NOS1AP: variants seen among roughly 807,000 people sequenced by gnomAD.
NOS1AP encodes carboxyl-terminal PDZ ligand of neuronal nitric oxide synthase protein.
Under a neutral mutation model 56.2 loss-of-function variants are expected in NOS1AP, and 21 were observed. That is an observed-to-expected ratio of 0.37 (90% CI 0.26 to 0.54). The LOEUF (loss-of-function observed/expected upper bound fraction) is 0.54, where lower values mean the gene tolerates loss of function less well. NOS1AP is among the 20% of genes least tolerant of loss of function. The pLI is 0.84. For missense variants in NOS1AP, 522 were observed against 657.8 expected, an observed-to-expected ratio of 0.79 and a Z score of 2.26; for synonymous variants, 270 against 274.6, an observed-to-expected ratio of 0.98 and a Z score of 0.17.
At chr1:162,109,886 C>T (rs1647649501) in intron 1 of NOS1AP, among the ~76,000 whole-genome samples, 1 of 152,172 alleles carries the variant, frequency 6.6e-6, no homozygotes, top group Admixed American at 6.5e-5. Flanking sequence ...TGAAAGATGA[C>T]TTCTTAATCT....
chr1:162,290,552 T>G (rs1306803602), intron 3 of NOS1AP, among the ~76,000 whole-genome samples: 1 of 152,232 alleles, frequency 6.6e-6, no homozygotes, highest in Non-Finnish European at 1.5e-5. Flanking sequence ...CAAATGTCAC[T>G]GATCACCATC....
intron 2 of NOS1AP, among the ~76,000 whole-genome samples, chr1:162,257,278 C>T (rs1487836670): frequency 2.0e-5 from 3 of 152,192 alleles, no homozygotes; most frequent in South Asian, 4.2e-4. Flanking sequence ...AGCCAGTGGG[C>T]TTCTCTGTTC....
intron 1 of NOS1AP, among the ~76,000 whole-genome samples, chr1:162,151,770 G>C (rs906106900): frequency 6.6e-5 from 10 of 151,374 alleles, no homozygotes; most frequent in African/African-American, 2.4e-4. Flanking sequence ...GAATGAGAAG[G>C]AAGGAAGGAA....
chr1:162,255,302 C>T (rs1653989302), intron 2 of NOS1AP, among the ~76,000 whole-genome samples: 2 of 152,180 alleles, frequency 1.3e-5, no homozygotes, highest in Non-Finnish European at 1.5e-5. Context: ...AGGTCTTTCT[C>T]CAGAAGCTGC....
At chr1:162,330,701 A>G (rs537329979) in intron 4 of NOS1AP, among the ~76,000 whole-genome samples, 17 of 152,326 alleles carry the variant, frequency 1.1e-4, no homozygotes, top group African/African-American at 3.8e-4. Context: ...TAAAAATAAC[A>G]CTTTGCTGGC....
intron 3 of NOS1AP, among the ~76,000 whole-genome samples, chr1:162,294,168 G>A (rs1002464260): frequency 6.8e-6 from 1 of 148,118 alleles, no homozygotes; most frequent in Non-Finnish European, 1.5e-5. Context: ...AGGAAGGAAG[G>A]CAGGTAGGAA....
intron 1 of NOS1AP, among the ~76,000 whole-genome samples, chr1:162,133,446 A>G (rs1441449902): frequency 6.6e-6 from 1 of 152,254 alleles, no homozygotes; most frequent in Admixed American, 6.5e-5. Flanking sequence ...CTAAAAGTCT[A>G]TGAATGAAAT....
At chr1:162,247,724 C>A (rs1653711581) in intron 2 of NOS1AP, among the ~76,000 whole-genome samples, 1 of 152,160 alleles carries the variant, frequency 6.6e-6, no homozygotes, top group African/African-American at 2.4e-5. Flanking sequence ...TCCATACCTA[C>A]TGTGCCAGAG....
intron 5 of NOS1AP, among the ~76,000 whole-genome samples, chr1:162,342,391 C>T (rs1475512821): frequency 6.6e-6 from 1 of 152,154 alleles, no homozygotes; most frequent in African/African-American, 2.4e-5. Context: ...ATGCCTTTCA[C>T]ATTAATATGG....
At chr1:162,221,274 G>C (rs1176324566) in intron 2 of NOS1AP, among the ~76,000 whole-genome samples, 9 of 152,140 alleles carry the variant, frequency 5.9e-5, no homozygotes, top group African/African-American at 2.2e-4. Context: ...TGAAGTGGTG[G>C]TTAAGCTGAC....
At chr1:162,217,593 G>A (rs1652626240) in intron 2 of NOS1AP, among the ~76,000 whole-genome samples, 1 of 152,116 alleles carries the variant, frequency 6.6e-6, no homozygotes, top group Non-Finnish European at 1.5e-5. Flanking sequence ...TCAAGCACTG[G>A]TGTGCTTTAA....
intron 4 of NOS1AP, among the ~76,000 whole-genome samples, chr1:162,317,477 TC>T (rs1233274475): frequency 6.6e-6 from 1 of 152,212 alleles, no homozygotes; most frequent in Non-Finnish European, 1.5e-5. Context: ...CTTTGTTCAC[TC>T]ATGAGAAGGA....
At chr1:162,072,225 T>G (rs567241378) in intron 1 of NOS1AP, among the ~76,000 whole-genome samples, 1 of 152,292 alleles carries the variant, frequency 6.6e-6, no homozygotes, top group East Asian at 1.9e-4. Context: ...AGTTTGAGTC[T>G]TGCCACACCC....
intron 5 of NOS1AP, among the ~76,000 whole-genome samples, chr1:162,336,358 G>A (rs988065388): frequency 2.0e-5 from 3 of 152,116 alleles, no homozygotes; most frequent in African/African-American, 2.4e-5. Flanking sequence ...GTCTGACTGT[G>A]GAGCTCACAC....
chr1:162,171,475 C>T (rs1239876298), intron 2 of NOS1AP, among the ~76,000 whole-genome samples: 1 of 152,188 alleles, frequency 6.6e-6, no homozygotes, highest in Non-Finnish European at 1.5e-5. Flanking sequence ...GCCTCAACTG[C>T]TTCCACTTTG....
At chr1:162,359,403 A>T (rs1230163377) in intron 8 of NOS1AP, among the ~76,000 whole-genome samples, 1 of 152,118 alleles carries the variant, frequency 6.6e-6, no homozygotes, top group East Asian at 1.9e-4. Context: ...TCTGTCTCTG[A>T]CTACCTTCTT....
intron 2 of NOS1AP, among the ~76,000 whole-genome samples, chr1:162,169,611 A>G (rs1402818468): frequency 6.6e-6 from 1 of 152,158 alleles, no homozygotes; most frequent in Non-Finnish European, 1.5e-5. Context: ...GCATGTGTCC[A>G]TCTGTCCTCA....
At chr1:162,156,398 A>C (rs1010103219) in intron 2 of NOS1AP, among the ~76,000 whole-genome samples, 2 of 152,152 alleles carry the variant, frequency 1.3e-5, no homozygotes, top group Non-Finnish European at 2.9e-5. Context: ...TCTCATGAGA[A>C]CATGCAACTT....
intron 7 of NOS1AP, among the ~76,000 whole-genome samples, chr1:162,356,071 T>C (rs1016465061): frequency 6.6e-6 from 1 of 152,212 alleles, no homozygotes; most frequent in Non-Finnish European, 1.5e-5. Context: ...TTAACATTCA[T>C]ATCTTATCTC....
Sources: allele counts gnomAD v4.1 joint callset (sites outside exome capture counted in the v4.1 genomes callset), GRCh38; gene constraint gnomAD v4.1.1; transcripts MANE v1.5; gene names NCBI Gene and HGNC (gene_info 2026-07-23, HGNC 2026-07-21).